Variants in FLT1 observed in about 807,000 individuals in gnomAD.
FLT1 encodes vascular endothelial growth factor receptor 1.
Under a neutral mutation model 156.3 loss-of-function variants are expected in FLT1, and 49 were observed. The ratio of observed to expected loss-of-function variants is 0.31; its 90% CI spans 0.25 to 0.40. The LOEUF (loss-of-function observed/expected upper bound fraction) is 0.40, where lower values mean the gene tolerates loss of function less well. FLT1 is among the 10% of genes least tolerant of loss of function. The pLI is 1.00. For synonymous variants in FLT1, 594 were observed against 583.8 expected, an observed-to-expected ratio of 1.02 and a Z score of -0.25; for missense variants, 1,322 against 1,637.2, an observed-to-expected ratio of 0.81 and a Z score of 3.32.
rs763025667 is a variant in FLT1 at position 28,384,879 on chromosome 13, T to A, written c.2116+6A>T. ...ATAATAAATGGAAGAAAAAAAAGTC[T>A]CTTACCAGGCTCTTGTTGTATTTTG... On this transcript the variant is annotated splice_donor_region_variant and intron_variant, in intron 14 of 29. Transcript: ENST00000282397. 1 of 1,613,868 alleles carries A rather than the reference T, an allele frequency of 6.2e-7. No individual in the cohort carries two copies. The highest frequency in any genetic ancestry group is 1.7e-5 in the Admixed American group (1 of 60,016).
intron 26 of FLT1, 113 bp from the exon 27 acceptor site, chr13:28,311,845 G>T: frequency 7.7e-7 from 1 of 1,294,476 alleles, no homozygotes; most frequent in Non-Finnish European, 1.1e-6. Context: ...TGTGTTTTGA[G>T]AAGATAATTC....
rs971567211 is a variant in FLT1 at position 28,301,575 on chromosome 13, C to A, written c.*1592G>T. 8 of 233,216 alleles carry A rather than the reference C, an allele frequency of 3.4e-5. No individual in the cohort carries two copies. Among genetic ancestry groups the A allele is most frequent in the Non-Finnish European group, 5.9e-5 (7 of 117,950 alleles). 14.4% of individuals were successfully genotyped at this position (233,216 alleles called of 1,614,324 possible). On this transcript the variant is annotated 3_prime_UTR_variant, in exon 30 of 30. Transcript: ENST00000282397. ...GTTAAATTACATGGATAAAAGGAAG[C>A]ATACTCTTCTCCCCAAGAAGCAGCA...
At chr13:28,349,463 C>T (rs1193729607) in intron 15 of FLT1, among the ~76,000 whole-genome samples, 3 of 146,668 alleles carry the variant, frequency 2.0e-5, no homozygotes, top group Non-Finnish European at 3.0e-5. Flanking sequence ...CACACACATG[C>T]GCACACGCAC....
chr13:28,347,085 G>A (rs766590605), intron 15 of FLT1, among the ~76,000 whole-genome samples: 3 of 152,180 alleles, frequency 2.0e-5, no homozygotes, highest in South Asian at 2.1e-4. Flanking sequence ...TGAAAGATTC[G>A]GCTGCTGAGG....
intron 18 of FLT1, among the ~76,000 whole-genome samples, chr13:28,330,610 TATATATATG>T (rs1871889064): frequency 1.3e-5 from 2 of 148,268 alleles, no homozygotes; most frequent in African/African-American, 4.9e-5. Context: ...ATATATATCA[TATATATATG>T]ATATATATGA....
chr13:28,464,118 T>A (rs11841899), intron 3 of FLT1, among the ~76,000 whole-genome samples: 1 of 152,088 alleles, frequency 6.6e-6, no homozygotes, highest in Non-Finnish European at 1.5e-5. Context: ...GGTCTCATAA[T>A]ATTATCATAA....
At chr13:28,489,876 A>G (rs1206718782) in intron 1 of FLT1, among the ~76,000 whole-genome samples, 1 of 152,204 alleles carries the variant, frequency 6.6e-6, no homozygotes, top group East Asian at 1.9e-4. Context: ...GCATGCTACT[A>G]AGCAGCCATC....
chr13:28,484,989 A>C (rs1461606671), intron 1 of FLT1, among the ~76,000 whole-genome samples: 1 of 151,364 alleles, frequency 6.6e-6, no homozygotes, highest in Non-Finnish European at 1.5e-5. Flanking sequence ...TTAAATGACG[A>C]GTTACTGGGT....
chr13:28,415,043 T>C (rs1352748767), intron 10 of FLT1, among the ~76,000 whole-genome samples: 2 of 152,182 alleles, frequency 1.3e-5, no homozygotes, highest in East Asian at 3.8e-4. Flanking sequence ...AAACCCATAG[T>C]CATGGACAGT....
At chr13:28,318,859 A>G (rs1312734557) in intron 24 of FLT1, among the ~76,000 whole-genome samples, 2 of 152,166 alleles carry the variant, frequency 1.3e-5, no homozygotes, top group African/African-American at 4.8e-5. Flanking sequence ...AGCCACCCAT[A>G]GTGGATGTTA....
rs377459104 is a variant in FLT1 at position 28,383,085 on chromosome 13, A to T, written c.2116+1800T>A. Among the ~76,000 whole-genome samples the T allele has an allele frequency of 7.9e-4, 120 of 152,350 alleles. 1 individual carries two copies. The highest frequency in any genetic ancestry group is 1.0e-3 in the South Asian group (5 of 4,830). Reference sequence around the variant, plus strand: ...AAATATGAATATCAATTAAAATCATAAATAATTTCATTGTACTCTTATTTA... The same window carrying T: ...AAATATGAATATCAATTAAAATCATTAATAATTTCATTGTACTCTTATTTA... On this transcript the variant is annotated intron_variant, in intron 14 of 29. Transcript: ENST00000282397.
chr13:28,410,985 C>T (rs1233644445), intron 10 of FLT1, among the ~76,000 whole-genome samples: 3 of 152,120 alleles, frequency 2.0e-5, no homozygotes, highest in Non-Finnish European at 4.4e-5. Context: ...AGAAGTCTGG[C>T]TCAGAGTCAC....
Position 28,322,571 on chromosome 13 carries a change from T to C in FLT1, c.2954-212A>G, listed in dbSNP as rs1871507150. On this transcript the variant is annotated intron_variant, in intron 21 of 29. Coordinates refer to ENST00000282397, the MANE Select transcript of FLT1 (RefSeq NM_002019.4). The surrounding 1 kb of genome is among the most constrained non-coding windows in gnomAD (Gnocchi z 4.3). ...AGCATGGGGGCAGGGGGATGATCCA[T>C]TAAGATGAAAATCCCTGAGGGGAGA... is the stretch of plus-strand genomic sequence containing the variant. 1 of 723,936 alleles carries C rather than the reference T, an allele frequency of 1.4e-6. No individual in the cohort carries two copies. Among genetic ancestry groups the C allele is most frequent in the Admixed American group, 2.0e-5 (1 of 49,478 alleles). 44.8% of individuals were successfully genotyped at this position (723,936 alleles called of 1,614,324 possible).
At position 28,431,176 on chromosome 13, in the gene FLT1, T is replaced by C. The variant is rs148219954; in HGVS notation, c.948A>G (p.Gly316=). 3,045 of 1,613,886 alleles carry C rather than the reference T, an allele frequency of 1.9e-3. 20 individuals carry two copies. The highest frequency in any genetic ancestry group is 1.5e-3 in the Non-Finnish European group (1,770 of 1,179,742). ...AGGTGTTAACAGATTTGAATGATGG[T>C]CCACTCCTTACACGACAAGTATAAA... ...KGLYTCRVRS[G]PSFKSVNTSV... Residue 316 remains glycine, a synonymous_variant, in exon 7 of 30, where the codon GGA becomes GGG. Transcript: ENST00000282397.
At chr13:28,459,372 G>C (rs1879438203) in intron 3 of FLT1, among the ~76,000 whole-genome samples, 1 of 152,184 alleles carries the variant, frequency 6.6e-6, no homozygotes, top group African/African-American at 2.4e-5. Flanking sequence ...GACAATTCCT[G>C]ATCAAAACTT....
intron 3 of FLT1, among the ~76,000 whole-genome samples, chr13:28,453,029 T>C (rs1439744266): frequency 4.7e-3 from 1 of 212 alleles, no homozygotes; most frequent in Non-Finnish European, 7.0e-3. Flanking sequence ...CCCCTCCCCT[T>C]TCCTTTCCTT....
intron 15 of FLT1, among the ~76,000 whole-genome samples, chr13:28,354,314 A>T (rs1002613339): frequency 9.9e-5 from 15 of 152,194 alleles, no homozygotes; most frequent in African/African-American, 3.6e-4. Context: ...CATACTATTA[A>T]CATTCAAAAT....
At chr13:28,310,793 A>G (rs757044395) in intron 27 of FLT1, among the ~76,000 whole-genome samples, 57 of 152,226 alleles carry the variant, frequency 3.7e-4, no homozygotes, top group Non-Finnish European at 6.8e-4. Context: ...ATTCAATGTA[A>G]TGGGGAAAAG....
In FLT1 at chr13:28,385,015, G is replaced by C; in HGVS notation, c.1986C>G (p.Tyr662Ter). Residue 662 changes from tyrosine to a stop codon, truncating the protein, a stop_gained, in exon 14 of 30, where the codon TAC becomes TAG. Transcript: ENST00000282397. LOFTEE classifies it high-confidence loss of function. Reference protein sequence around the residue: ...EITIRDQEAPYLLRNLSDHTV... With the variant: ...EITIRDQEAP Reference sequence around the variant, plus strand: ...TGTGATCACTGAGGTTTCGCAGGAGGTATGGTGCTTCCTGATCTAGTGAAG... The same window carrying C: ...TGTGATCACTGAGGTTTCGCAGGAGCTATGGTGCTTCCTGATCTAGTGAAG... 6.2e-7 allele frequency: 1 copy of C among 1,614,138 alleles called. No homozygotes were observed. Among genetic ancestry groups the C allele is most frequent in the Non-Finnish European group, 8.5e-7 (1 of 1,180,028 alleles).
Sources: allele counts gnomAD v4.1 joint callset (sites outside exome capture counted in the v4.1 genomes callset), GRCh38; gene constraint gnomAD v4.1.1; non-coding constraint Gnocchi (gnomAD v3.1); transcripts MANE v1.5; gene names NCBI Gene and HGNC (gene_info 2026-07-23, HGNC 2026-07-21).